The following C1orf87 variants were observed in gnomAD, a reference collection of about 807,000 sequenced individuals.
The protein encoded by C1orf87 is chromosome 1 open reading frame 87.
A neutral mutation model predicts 60.5 loss-of-function variants in C1orf87; 58 were observed. The observed-to-expected ratio is 0.96, with a 90% confidence interval of 0.78 to 1.19. C1orf87 has a LOEUF of 1.19. C1orf87 is among the 50% of genes most tolerant of loss of function. The pLI is 0.00. For missense variants in C1orf87, 673 were observed against 638.6 expected (o/e 1.05, Z -0.58); for synonymous variants, 236 against 227.4 (o/e 1.04, Z -0.34).
At chr1:60,067,400 T>C (rs1645554120) in intron 2 of C1orf87, among the ~76,000 whole-genome samples, 1 of 152,188 alleles carries the variant, frequency 6.6e-6, no homozygotes, top group African/African-American at 2.4e-5. Context: ...ATTTCAATGA[T>C]TGCCATTCTA....
At chr1:60,010,484 G>A (rs745637266) in intron 8 of C1orf87, 28 bp from the exon 9 acceptor site, 56 of 1,592,484 alleles carry the variant, frequency 3.5e-5, no homozygotes, top group East Asian at 4.5e-5. Flanking sequence ...ACATAAATTG[G>A]TGATCAATAT....
At chr1:60,017,529 G>A (rs1645132357) in intron 8 of C1orf87, among the ~76,000 whole-genome samples, 1 of 152,140 alleles carries the variant, frequency 6.6e-6, no homozygotes, top group Non-Finnish European at 1.5e-5. Flanking sequence ...TTTGGCTTGT[G>A]TGCATGTGTT....
At chr1:60,030,316 T>C (rs999796753) in intron 7 of C1orf87, among the ~76,000 whole-genome samples, 2 of 152,238 alleles carry the variant, frequency 1.3e-5, no homozygotes, top group African/African-American at 4.8e-5. Context: ...TTTATACTTT[T>C]AAGGCAGAGC....
rs374262567 is a variant in C1orf87, at chr1:59,997,593, A to G, written c.1480+16T>C. 4.3e-6 allele frequency: 7 copies of G among 1,612,588 alleles called. No homozygotes were observed. In the African/African-American group the frequency reaches 9.3e-5, roughly 22 times the overall value. On this transcript the variant is annotated intron_variant, in intron 11 of 11. Transcript: ENST00000371201. ...ACAAATAGAAACCTATGCCAGCTTT[A>G]CAATTCATACTTCACCTGTGTTACT...
At chr1:60,063,788 G>A (rs1645513151) in intron 2 of C1orf87, among the ~76,000 whole-genome samples, 1 of 152,158 alleles carries the variant, frequency 6.6e-6, no homozygotes, top group Non-Finnish European at 1.5e-5. Flanking sequence ...AAAGCAGCAG[G>A]TATATGGGTT....
At chr1:60,006,920 T>A (rs922529863) in intron 9 of C1orf87, among the ~76,000 whole-genome samples, 1 of 101,764 alleles carries the variant, frequency 9.8e-6, no homozygotes, top group African/African-American at 4.1e-5. Flanking sequence ...TCTTGCATAC[T>A]TTTTTTTTTC....
chr1:60,016,814 C>A (rs1472468294), intron 8 of C1orf87, among the ~76,000 whole-genome samples: 1 of 152,176 alleles, frequency 6.6e-6, no homozygotes, highest in African/African-American at 2.4e-5. Flanking sequence ...TTACATGCCT[C>A]CTGGGTCCTG....
intron 6 of C1orf87, among the ~76,000 whole-genome samples, chr1:60,036,239 C>T (rs977173405): frequency 1.3e-5 from 2 of 152,106 alleles, no homozygotes; most frequent in East Asian, 3.9e-4. Context: ...GCAAAGTAAG[C>T]CTGACAAACA....
intron 3 of C1orf87, 132 bp from the exon 4 acceptor site, chr1:60,041,263 C>T: frequency 1.3e-6 from 1 of 779,640 alleles, no homozygotes; most frequent in Non-Finnish European, 1.9e-6. Flanking sequence ...TGAACTTTAG[C>T]CCATGTATCA....
intron 2 of C1orf87, among the ~76,000 whole-genome samples, chr1:60,065,071 T>C (rs1462088545): frequency 8.5e-6 from 1 of 117,934 alleles, no homozygotes; most frequent in Non-Finnish European, 1.7e-5. Flanking sequence ...ATTATTTATA[T>C]ATATCTTATT....
At position 60,004,445 on chromosome 1, in the gene C1orf87, T is replaced by C. The variant is rs114302860; in HGVS notation, c.1193-3289A>G. ...TTAATTATGATGTCCCAGACATTTTTTGGGACACTGTTTAATGCATTATCC... is the reference window on the plus strand; with the variant it reads ...TTAATTATGATGTCCCAGACATTTTCTGGGACACTGTTTAATGCATTATCC... On this transcript the variant is annotated intron_variant, in intron 9 of 11. Transcript: ENST00000371201. 3.1e-3 allele frequency among the ~76,000 whole-genome samples: 468 copies of C among 152,176 alleles called. 1 individual carries two copies. Among genetic ancestry groups the C allele is most frequent in the African/African-American group, 0.011 (445 of 41,540 alleles).
chr1:60,032,136 C>G (rs1250961927), intron 7 of C1orf87, among the ~76,000 whole-genome samples: 1 of 152,186 alleles, frequency 6.6e-6, no homozygotes, highest in Non-Finnish European at 1.5e-5. Flanking sequence ...TAGTAAATAT[C>G]ACCGTTCTTT....
intron 8 of C1orf87, among the ~76,000 whole-genome samples, chr1:60,015,977 C>T (rs1645121723): frequency 6.6e-6 from 1 of 152,178 alleles, no homozygotes; most frequent in African/African-American, 2.4e-5. Context: ...TGTTGAACTC[C>T]TGACCTCAAG....
intron 9 of C1orf87, among the ~76,000 whole-genome samples, chr1:60,006,481 G>C (rs1305811726): frequency 2.0e-5 from 3 of 151,944 alleles, no homozygotes; most frequent in Non-Finnish European, 4.4e-5. Flanking sequence ...CTGTTTTCTT[G>C]AGTGATAGGT....
At chr1:60,001,297 G>C in intron 9 of C1orf87, 141 bp from the exon 10 acceptor site, 1 of 533,360 alleles carries the variant, frequency 1.9e-6, no homozygotes, top group Non-Finnish European at 3.0e-6. Context: ...TTAGGTAATG[G>C]GAACACTCTG....
intron 9 of C1orf87, among the ~76,000 whole-genome samples, chr1:60,009,555 T>A (rs1557459418): frequency 6.6e-6 from 1 of 151,966 alleles, no homozygotes; most frequent in Non-Finnish European, 1.5e-5. Context: ...GTAAATTCCC[T>A]CTGCTTGAAA....
At chr1:60,032,469 G>T (rs572385413) in intron 7 of C1orf87, among the ~76,000 whole-genome samples, 17 of 120,806 alleles carry the variant, frequency 1.4e-4, no homozygotes, top group Non-Finnish European at 2.7e-4. Flanking sequence ...ACTGAGTCTC[G>T]CTCTGTCACC....
In C1orf87 at chr1:60,033,653, G is replaced by A. The variant is rs186382448; in HGVS notation, c.864-12C>T. 1.6e-4 allele frequency: 250 copies of A among 1,607,522 alleles called. 3 individuals are homozygous for A. The highest frequency in any genetic ancestry group is 1.2e-3 in the East Asian group (53 of 44,770). On this transcript the variant is annotated splice_polypyrimidine_tract_variant and intron_variant, in intron 6 of 11. Coordinates refer to ENST00000371201, the MANE Select transcript of C1orf87 (RefSeq NM_152377.3). ...GCTGAGGTGGAGTGCTGATTGTAGGGGAAATGGGGAAGGCTATGAAAAGGT... is the reference window on the plus strand; with the variant it reads ...GCTGAGGTGGAGTGCTGATTGTAGGAGAAATGGGGAAGGCTATGAAAAGGT...
At chr1:59,994,249 T>C (rs969866503) in intron 11 of C1orf87, among the ~76,000 whole-genome samples, 2 of 151,944 alleles carry the variant, frequency 1.3e-5, no homozygotes, top group African/African-American at 4.8e-5. Context: ...GGAGTCTGGA[T>C]TTGAATCTAA....
Sources: allele counts gnomAD v4.1 joint callset (sites outside exome capture counted in the v4.1 genomes callset), GRCh38; gene constraint gnomAD v4.1.1; transcripts MANE v1.5; gene names NCBI Gene and HGNC (gene_info 2026-07-23, HGNC 2026-07-21).